KCTD16: variants seen among roughly 807,000 people sequenced by gnomAD.
KCTD16 encodes potassium channel tetramerization domain containing 16.
In KCTD16, 13 loss-of-function variants were observed where a neutral mutation model predicts 33.2. The observed-to-expected ratio is 0.39, with a 90% CI of 0.25 to 0.62. KCTD16 has a LOEUF of 0.62. KCTD16 is among the 20% of genes least tolerant of loss of function. KCTD16 has a pLI of 0.50. For missense variants in KCTD16, 441 were observed against 525.1 expected, an observed-to-expected ratio of 0.84 and a Z score of 1.57; for synonymous variants, 197 against 195.3, an observed-to-expected ratio of 1.01 and a Z score of -0.07.
At chr5:144,375,020 T>C (rs1752052984) in intron 3 of KCTD16, among the ~76,000 whole-genome samples, 2 of 152,190 alleles carry the variant, frequency 1.3e-5, no homozygotes, top group South Asian at 2.1e-4. Flanking sequence ...CAACATCTCT[T>C]AGGTCAGTTG....
At chr5:144,458,440 G>C (rs1754121677) in intron 3 of KCTD16, among the ~76,000 whole-genome samples, 1 of 152,176 alleles carries the variant, frequency 6.6e-6, no homozygotes, top group Admixed American at 6.5e-5. Context: ...AAGCCATATG[G>C]AGACTTTCTC....
chr5:144,248,524 A>C (rs1754610805), intron 3 of KCTD16, among the ~76,000 whole-genome samples: 1 of 152,326 alleles, frequency 6.6e-6, no homozygotes, highest in Non-Finnish European at 1.5e-5. Context: ...TTTGGACAAG[A>C]AAGAATATTA....
chr5:144,398,750 A>G (rs1263951518), intron 3 of KCTD16, among the ~76,000 whole-genome samples: 3 of 151,042 alleles, frequency 2.0e-5, no homozygotes, highest in African/African-American at 2.5e-5. Context: ...ATGTACCCCA[A>G]AGGAAGACTC....
At chr5:144,182,085 CAAAAAA>C (rs371259746) in intron 2 of KCTD16, among the ~76,000 whole-genome samples, 3 of 119,428 alleles carry the variant, frequency 2.5e-5, no homozygotes, top group African/African-American at 8.8e-5. Flanking sequence ...AACTCCATCT[CAAAAAA>C]AAAAAAAAAA....
chr5:144,237,433 G>A (rs1015801367), intron 3 of KCTD16, among the ~76,000 whole-genome samples: 2 of 152,044 alleles, frequency 1.3e-5, no homozygotes, highest in African/African-American at 4.8e-5. Flanking sequence ...TGGCTTATCT[G>A]TTGGTAATTT....
chr5:144,428,861 T>G (rs1195622342), intron 3 of KCTD16, among the ~76,000 whole-genome samples: 2 of 152,192 alleles, frequency 1.3e-5, no homozygotes, highest in Non-Finnish European at 2.9e-5. Context: ...TGCTGTTCCT[T>G]AATAATTGTT....
chr5:144,396,445 A>C (rs1752568752), intron 3 of KCTD16, among the ~76,000 whole-genome samples: 1 of 152,198 alleles, frequency 6.6e-6, no homozygotes, highest in Non-Finnish European at 1.5e-5. Context: ...ACATTCAAGG[A>C]CATTTGCGTT....
chr5:144,211,032 C>A (rs1046393585), intron 3 of KCTD16, among the ~76,000 whole-genome samples: 6 of 152,212 alleles, frequency 3.9e-5, no homozygotes, highest in African/African-American at 1.4e-4. Flanking sequence ...GCATTTTAAC[C>A]TTTCTTCTCT....
chr5:144,184,597 A>G (rs930083622), intron 2 of KCTD16, among the ~76,000 whole-genome samples: 19 of 152,212 alleles, frequency 1.2e-4, no homozygotes, highest in African/African-American at 4.3e-4. Flanking sequence ...ACTGTTTTCT[A>G]TAGTGGCAAC....
At chr5:144,319,184 A>G (rs1005817436) in intron 3 of KCTD16, among the ~76,000 whole-genome samples, 1 of 152,130 alleles carries the variant, frequency 6.6e-6, no homozygotes, top group Non-Finnish European at 1.5e-5. Flanking sequence ...GTATTTTTCC[A>G]GAAGTTTTAC....
At chr5:144,443,576 T>C (rs1753759047) in intron 3 of KCTD16, among the ~76,000 whole-genome samples, 1 of 152,082 alleles carries the variant, frequency 6.6e-6, no homozygotes, top group South Asian at 2.1e-4. Context: ...GAAAGCTTGA[T>C]ATTTCTCTTA....
intron 3 of KCTD16, among the ~76,000 whole-genome samples, chr5:144,419,320 A>T (rs1371742090): frequency 1.3e-5 from 2 of 152,150 alleles, no homozygotes; most frequent in African/African-American, 2.4e-5. Flanking sequence ...CTGGATTTTA[A>T]AATCACCTTT....
intron 3 of KCTD16, among the ~76,000 whole-genome samples, chr5:144,248,881 G>A (rs779282582): frequency 5.9e-5 from 9 of 152,094 alleles, no homozygotes; most frequent in Non-Finnish European, 1.3e-4. Context: ...TTCCACCATG[G>A]AAGAATCTTT....
intron 2 of KCTD16, among the ~76,000 whole-genome samples, chr5:144,187,220 A>G (rs1377732842): frequency 6.6e-6 from 1 of 152,020 alleles, no homozygotes; most frequent in Non-Finnish European, 1.5e-5. Flanking sequence ...ACTTATAACA[A>G]TTTTCTGCCT....
At chr5:144,427,387 T>C (rs1206109864) in intron 3 of KCTD16, among the ~76,000 whole-genome samples, 1 of 152,096 alleles carries the variant, frequency 6.6e-6, no homozygotes, top group East Asian at 1.9e-4. Context: ...TGACCTCGCT[T>C]TTTGGAGACT....
At chr5:144,306,797 A>C (rs932884439) in intron 3 of KCTD16, among the ~76,000 whole-genome samples, 1 of 152,166 alleles carries the variant, frequency 6.6e-6, no homozygotes, top group African/African-American at 2.4e-5. Flanking sequence ...TAAATTCCTG[A>C]AAACAGGATT....
intron 3 of KCTD16, among the ~76,000 whole-genome samples, chr5:144,404,224 T>C (rs1021141172): frequency 1.3e-5 from 2 of 152,138 alleles, no homozygotes; most frequent in Non-Finnish European, 2.9e-5. Context: ...CCCTCACCTA[T>C]TGGCAGAAGG....
At chr5:144,187,047 C>T (rs1752741569) in intron 2 of KCTD16, among the ~76,000 whole-genome samples, 1 of 152,166 alleles carries the variant, frequency 6.6e-6, no homozygotes, top group Non-Finnish European at 1.5e-5. Context: ...TCAAAGAACT[C>T]CTTAGGGCTT....
At chr5:144,465,188 CCTCTCTCTCTCACTCT>C (rs1754297034) in intron 3 of KCTD16, among the ~76,000 whole-genome samples, 1 of 63,672 alleles carries the variant, frequency 1.6e-5, no homozygotes, top group Non-Finnish European at 3.1e-5. Flanking sequence ...CTCTCCCCCC[CCTCTCTCTCTCACTCT>C]CTCTCTCTCT....
Sources: gnomAD v4.1 joint callset for allele counts (sites outside exome capture counted in the v4.1 genomes callset) on GRCh38, gnomAD v4.1.1 for gene constraint, MANE v1.5 for transcripts, NCBI Gene and HGNC (gene_info 2026-07-23, HGNC 2026-07-21) for gene names.